Variants in GPC6 observed in about 807,000 individuals in gnomAD.
GPC6 encodes the protein glypican-6.
GPC6 carries 14 observed loss-of-function variants against 55.2 expected under a neutral mutation model. The observed-to-expected ratio is 0.25, with a 90% confidence interval of 0.17 to 0.40. The LOEUF is 0.40. GPC6 is among the 10% of genes least tolerant of loss of function. The probability of loss-of-function intolerance (pLI) is 1.00; values close to 1 mark genes in which losing one functional copy is unlikely to be tolerated. For synonymous variants in GPC6, 278 were observed against 259.6 expected, an observed-to-expected ratio of 1.07 and a Z score of -0.68; for missense variants, 641 against 708.5, an observed-to-expected ratio of 0.90 and a Z score of 1.08.
intron 2 of GPC6, among the ~76,000 whole-genome samples, chr13:93,674,895 G>C (rs1395035273): frequency 6.6e-6 from 1 of 152,082 alleles, no homozygotes; most frequent in African/African-American, 2.4e-5. Flanking sequence ...ACAGTGTAAG[G>C]GACTTTTTAT....
In GPC6 at chr13:93,965,101, AGTTT is replaced by A. The variant is rs1403175097; in HGVS notation, c.712-62623_712-62620del. Among the ~76,000 whole-genome samples, 575 of 122,048 alleles carry A rather than the reference AGTTT, an allele frequency of 4.7e-3. 30 individuals carry two copies. Among genetic ancestry groups the A allele is most frequent in the African/African-American group, 0.018 (549 of 31,338 alleles). The allele number at this position is 122,048 out of a possible 152,430, so 80.1% of individuals were successfully genotyped here. On this transcript the variant is annotated intron_variant, in intron 3 of 8. Coordinates refer to ENST00000377047, the MANE Select transcript of GPC6 (RefSeq NM_005708.5). The stretch of plus-strand genomic sequence containing the variant: ...TAGTAAGTATTTGGGAAACACTATG[AGTTT>A]GTTTTTTTTTTTTTTTTTTTTTTTT...
chr13:93,948,788 T>TCTAAGCA, intron 3 of GPC6, among the ~76,000 whole-genome samples: 1 of 152,346 alleles, frequency 6.6e-6, no homozygotes, highest in East Asian at 1.9e-4. Flanking sequence ...TTTTGTGGCA[T>TCTAAGCA]CTAAGCACCT....
chr13:94,154,696 AAAAG>A (rs1329054237), intron 4 of GPC6, among the ~76,000 whole-genome samples: 8 of 152,270 alleles, frequency 5.3e-5, no homozygotes, highest in Non-Finnish European at 1.2e-4. Flanking sequence ...CAACCCAAAA[AAAAG>A]GGCACCAGAA....
intron 3 of GPC6, among the ~76,000 whole-genome samples, chr13:93,977,467 G>GGTGTGTGTGTGT (rs4001797): frequency 1.5e-5 from 2 of 137,286 alleles, no homozygotes; most frequent in Admixed American, 7.4e-5. Flanking sequence ...GATGACAAGG[G>GGTGTGTGTGTGT]GTGTGTGTGT....
chr13:93,415,955 G>A (rs528194718), intron 1 of GPC6, among the ~76,000 whole-genome samples: 1 of 152,190 alleles, frequency 6.6e-6, no homozygotes, highest in South Asian at 2.1e-4. Context: ...TTATCAACAT[G>A]ACATTAACAA....
At chr13:93,936,648 C>T (rs924823830) in intron 3 of GPC6, among the ~76,000 whole-genome samples, 12 of 152,066 alleles carry the variant, frequency 7.9e-5, no homozygotes, top group Non-Finnish European at 1.5e-4. Flanking sequence ...AGAAACATTT[C>T]ATGGAATGGG....
At chr13:94,271,382 GC>G in intron 4 of GPC6, among the ~76,000 whole-genome samples, 1 of 126,760 alleles carries the variant, frequency 7.9e-6, no homozygotes, top group South Asian at 2.6e-4. Flanking sequence ...GCGCGCGCGC[GC>G]ACACACACAC....
chr13:94,067,517 G>C (rs1474837149), intron 4 of GPC6, among the ~76,000 whole-genome samples: 1 of 151,338 alleles, frequency 6.6e-6, no homozygotes, highest in Non-Finnish European at 1.5e-5. Context: ...TCTATGTATA[G>C]AGATGCAATA....
chr13:94,106,610 A>C (rs1023416371), intron 4 of GPC6, among the ~76,000 whole-genome samples: 2 of 152,110 alleles, frequency 1.3e-5, no homozygotes, highest in African/African-American at 4.8e-5. Context: ...TTATTTCCTT[A>C]TAATAATAAG....
At chr13:93,429,198 G>A (rs964614662) in intron 1 of GPC6, among the ~76,000 whole-genome samples, 9 of 151,906 alleles carry the variant, frequency 5.9e-5, no homozygotes, top group African/African-American at 1.7e-4. Flanking sequence ...AGCTAATTCC[G>A]CTTACTTTAA....
chr13:94,033,271 T>C (rs1433969563), intron 4 of GPC6, among the ~76,000 whole-genome samples: 6 of 152,224 alleles, frequency 3.9e-5, no homozygotes, highest in African/African-American at 1.4e-4. Flanking sequence ...CCTGATTCTT[T>C]CATTGTGACA....
chr13:93,659,878 T>C (rs1880847964), intron 2 of GPC6, among the ~76,000 whole-genome samples: 1 of 152,010 alleles, frequency 6.6e-6, no homozygotes, highest in Non-Finnish European at 1.5e-5. Context: ...CAAAGCAATT[T>C]TGACAGTAAA....
intron 4 of GPC6, among the ~76,000 whole-genome samples, chr13:94,076,658 A>G (rs1008617728): frequency 6.6e-6 from 1 of 151,982 alleles, no homozygotes; most frequent in African/African-American, 2.4e-5. Context: ...GATTTTATAT[A>G]TGGTATAAGA....
chr13:93,610,206 AT>A (rs1240200410), intron 2 of GPC6, among the ~76,000 whole-genome samples: 4 of 152,184 alleles, frequency 2.6e-5, no homozygotes, highest in African/African-American at 9.7e-5. Flanking sequence ...GTAAGTTTCA[AT>A]TTTAACTAGA....
intron 2 of GPC6, among the ~76,000 whole-genome samples, chr13:93,616,390 C>A (rs1001370042): frequency 6.6e-6 from 1 of 152,040 alleles, no homozygotes; most frequent in Non-Finnish European, 1.5e-5. Flanking sequence ...TCATCTCTTA[C>A]AATATGTGCG....
chr13:93,797,254 C>T (rs1886226107), intron 2 of GPC6, among the ~76,000 whole-genome samples: 2 of 152,126 alleles, frequency 1.3e-5, no homozygotes, highest in South Asian at 4.1e-4. Context: ...TGTCACTGAA[C>T]GTTGTCACAT....
At position 93,986,573 on chromosome 13, in the gene GPC6, G is replaced by C. The variant is rs116423571; in HGVS notation, c.712-41156G>C. On this transcript the variant is annotated intron_variant, in intron 3 of 8. Transcript: ENST00000377047. ...GACCAAGAGAAGAAAAGTAAAGACT[G>C]TGTATATTATACATATCCATTATCT... Among the ~76,000 whole-genome samples, 323 of 152,206 alleles carry C rather than the reference G, an allele frequency of 2.1e-3. 1 individual carries two copies. The highest frequency in any genetic ancestry group is 7.5e-3 in the African/African-American group (310 of 41,542).
At chr13:93,699,458 C>T (rs538396192) in intron 2 of GPC6, among the ~76,000 whole-genome samples, 1 of 152,168 alleles carries the variant, frequency 6.6e-6, no homozygotes, top group African/African-American at 2.4e-5. Context: ...ATCCATGTGA[C>T]ACCACTGTAC....
intron 2 of GPC6, among the ~76,000 whole-genome samples, chr13:93,783,223 A>G (rs112013296): frequency 0.014 from 2,116 of 152,230 alleles, 43 homozygotes; most frequent in African/African-American, 0.048. Context: ...TCTATCATTG[A>G]TGGGCATTTG....
Sources: allele counts gnomAD v4.1 joint callset (sites outside exome capture counted in the v4.1 genomes callset), GRCh38; gene constraint gnomAD v4.1.1; transcripts MANE v1.5; gene names NCBI Gene and HGNC (gene_info 2026-07-23, HGNC 2026-07-21).